NLRP7: variants seen among roughly 807,000 people sequenced by gnomAD.
NLRP7 encodes the protein NACHT, LRR and PYD domains-containing protein 7.
In NLRP7, 72 loss-of-function variants were observed where a neutral mutation model predicts 85.5. The ratio of observed to expected loss-of-function variants is 0.84; its 90% CI spans 0.70 to 1.02. The LOEUF (loss-of-function observed/expected upper bound fraction) is 1.02. Among genes scored for constraint, NLRP7 ranks in the 50% least tolerant of loss-of-function variants. The pLI, the probability that NLRP7 is intolerant of heterozygous loss-of-function variation, is 0.00. For synonymous variants in NLRP7, 550 were observed against 505.2 expected (o/e 1.09, Z -1.19); for missense variants, 1,243 against 1,219.5 (o/e 1.02, Z -0.29).
rs1395917816 is a variant in NLRP7 at position 54,933,603 on chromosome 19, A to G, written c.2608T>C (p.Leu870=). ...TGCAGTTTACAATCAGGGTAACTCA[A>G]GCCCTCACACAGAAACTTCACCCCT... Residue 870 remains leucine (L), a synonymous_variant, in exon 8 of 10, where the codon TTG becomes CTG. Coordinates refer to ENST00000340844, the Ensembl canonical transcript of NLRP7. The G allele has an allele frequency of 4.3e-6, 7 of 1,614,234 alleles. No individual in the cohort carries two copies. In the East Asian group the frequency reaches 1.3e-4, roughly 31 times the overall value.
intron 5 of NLRP7, 136 bp downstream of exon 5, chr19:54,937,900 CAAAAAAAA>C: frequency 2.0e-5 from 10 of 511,346 alleles, no homozygotes; most frequent in African/African-American, 3.7e-5. Context: ...TCCGTCTCAC[CAAAAAAAA>C]AAAAAAAAAA....
chr19:54,935,494 G>C (rs578043379), intron 6 of NLRP7, among the ~76,000 whole-genome samples: 8 of 152,024 alleles, frequency 5.3e-5, no homozygotes, highest in Non-Finnish European at 1.0e-4. Flanking sequence ...TCAGGAGTTC[G>C]AGACCAGCCT....
chr19:54,937,562 C>T (rs149370960), intron 5 of NLRP7, among the ~76,000 whole-genome samples: 462 of 150,746 alleles, frequency 3.1e-3, no homozygotes, highest in African/African-American at 0.011. Context: ...TGCACTCCAG[C>T]GCCTAGGTGA....
upstream of NLRP7, among the ~76,000 whole-genome samples, chr19:54,952,465 G>A (rs2069700780): frequency 6.6e-6 from 1 of 151,868 alleles, no homozygotes; most frequent in Admixed American, 6.6e-5. Flanking sequence ...GTGGTAGCGG[G>A]TGCCTGTAAC....
intron 9 of NLRP7, 31 bp from the exon 11 acceptor site, chr19:54,923,903 A>T (rs28643506): frequency 1.2e-6 from 2 of 1,606,394 alleles, no homozygotes; most frequent in East Asian, 4.5e-5. Flanking sequence ...AAATGTTCCC[A>T]GAAATTCATT....
intron 9 of NLRP7, among the ~76,000 whole-genome samples, chr19:54,924,896 C>T (rs1483042792): frequency 6.6e-6 from 1 of 152,156 alleles, no homozygotes; most frequent in African/African-American, 2.4e-5. Flanking sequence ...AATACCGCAC[C>T]ACTGTACTGC....
At chr19:54,950,708 C>T (rs988849714), upstream of NLRP7, among the ~76,000 whole-genome samples, 3 of 150,632 alleles carry the variant, frequency 2.0e-5, no homozygotes, top group African/African-American at 4.9e-5. Context: ...AATATACAAT[C>T]GGGGTTTACA....
At chr19:54,933,847 A>C in intron 7 of NLRP7, 108 bp from the exon 8 acceptor site, 2 of 959,976 alleles carry the variant, frequency 2.1e-6, no homozygotes, top group Non-Finnish European at 3.4e-6. Flanking sequence ...CTTCCTGTTC[A>C]TCCCCTGCCC....
chr19:54,938,237 T>G, exon 5 of NLRP7: 1 of 1,613,944 alleles, frequency 6.2e-7, no homozygotes, highest in Non-Finnish European at 8.5e-7. Context: ...GTTAGGTAAG[T>G]GCACCTGCAG....
intron 5 of NLRP7, among the ~76,000 whole-genome samples, chr19:54,937,445 A>G (rs2068982424): frequency 6.6e-6 from 1 of 151,618 alleles, no homozygotes; most frequent in African/African-American, 2.4e-5. Flanking sequence ...TAATCCCAGC[A>G]CTTTCGAAGA....
intron 8 of NLRP7, among the ~76,000 whole-genome samples, chr19:54,931,677 C>T (rs2068684063): frequency 8.4e-6 from 1 of 118,752 alleles, no homozygotes; most frequent in African/African-American, 3.6e-5. Context: ...AAGAGCGAAA[C>T]TCCATCTCAA....
chr19:54,941,408 G>GAAAAAAA (rs2069216804), intron 2 of NLRP7, 27 bp downstream of exon 2: 1 of 796,464 alleles, frequency 1.3e-6, no homozygotes, highest in African/African-American at 2.2e-5. Context: ...AAAAAAAAAT[G>GAAAAAAA]ACCAGGACAC....
rs762858119 is a variant in NLRP7 at position 54,923,744 on chromosome 19, C to CA, written c.2938dup (p.Cys980LeufsTer20). ...CGTAGAGCGATCCCAGGCTGCTCAG[C>CA]AAAAAAAGTCACAGCACGGAGGTGC... is the stretch of plus-strand genomic sequence containing the variant. On this transcript the variant is annotated frameshift_variant, in exon 10 of 10. Transcript: ENST00000340844. LOFTEE classifies it high-confidence loss of function. 7 of 1,612,630 alleles carry CA rather than the reference C, an allele frequency of 4.3e-6. No individual in the cohort carries two copies. Among genetic ancestry groups the CA allele is most frequent in the South Asian group, 1.1e-5 (1 of 91,026 alleles).
At chr19:54,959,869 T>C (rs2069980785) in intron 1 of NLRP7, among the ~76,000 whole-genome samples, 1 of 151,798 alleles carries the variant, frequency 6.6e-6, no homozygotes, top group Non-Finnish European at 1.5e-5. Context: ...CTTCTGTTGT[T>C]CCCAGCCATG....
rs1018930788 is a variant in NLRP7, at chr19:54,934,792, C to G, written c.2301-133G>C. The stretch of plus-strand genomic sequence containing the variant: ...AGGCGTGATCTCACCTCACTGCAGC[C>G]TCCGCCTCCCGGGTTCAAGCTATTC... On this transcript the variant is annotated intron_variant, in intron 6 of 9. Coordinates refer to ENST00000340844, the Ensembl canonical transcript of NLRP7. This position sits in a 1 kb window ranked among gnomAD's most constrained non-coding sequence, Gnocchi z 6.7. 2.9e-6 allele frequency: 2 copies of G among 692,908 alleles called. No homozygotes were observed. The highest frequency in any genetic ancestry group is 4.7e-6 in the Non-Finnish European group (2 of 421,338). 42.9% of individuals were successfully genotyped at this position (692,908 alleles called of 1,614,324 possible).
intron 1 of NLRP7, among the ~76,000 whole-genome samples, chr19:54,945,059 G>A (rs971935647): frequency 6.6e-6 from 1 of 151,486 alleles, no homozygotes; most frequent in Non-Finnish European, 1.5e-5. Context: ...CTAACACGGT[G>A]AAACCCCGTC....
At chr19:54,941,590 G>A (rs777372046) in exon 2 of NLRP7, 3 of 1,613,836 alleles carry the variant, frequency 1.9e-6, no homozygotes, top group Admixed American at 3.3e-5. Flanking sequence ...AGACCATGGG[G>A]TCTTCTGTAG....
chr19:54,932,193 C>T (rs1278640556), intron 8 of NLRP7, among the ~76,000 whole-genome samples: 1 of 151,882 alleles, frequency 6.6e-6, no homozygotes, highest in East Asian at 1.9e-4. Context: ...TTTGGGAGGC[C>T]GAGGCAGGCA....
At chr19:54,958,631 T>C (rs763329243) in intron 1 of NLRP7, among the ~76,000 whole-genome samples, 10 of 149,880 alleles carry the variant, frequency 6.7e-5, no homozygotes, top group Non-Finnish European at 1.0e-4. Context: ...AGGGACAGAG[T>C]GAGACTCTGT....
Sources: allele counts gnomAD v4.1 joint callset (sites outside exome capture counted in the v4.1 genomes callset), GRCh38; gene constraint gnomAD v4.1.1; non-coding constraint Gnocchi (gnomAD v3.1); transcripts MANE v1.5; gene names NCBI Gene and HGNC (gene_info 2026-07-23, HGNC 2026-07-21).